Variants in DDX19B observed in about 807,000 individuals in gnomAD.
The protein encoded by DDX19B is DEAD-box helicase 19B.
In DDX19B, 27 loss-of-function variants were observed where a neutral mutation model predicts 58.1. That is an observed-to-expected ratio of 0.46 (90% confidence interval 0.34 to 0.64). The LOEUF is 0.64. Among genes scored for constraint, DDX19B ranks in the 30% least tolerant of loss-of-function variants. The pLI is 0.01. For synonymous variants in DDX19B, 187 were observed against 214.4 expected (o/e 0.87, Z 1.12); for missense variants, 399 against 596.5 (o/e 0.67, Z 3.45).
At chr16:70,325,789 T>G (rs1161905617) in intron 7 of DDX19B, 101 bp downstream of exon 7, 2 of 871,358 alleles carry the variant, frequency 2.3e-6, no homozygotes, top group African/African-American at 1.7e-5. Flanking sequence ...TAAACACATG[T>G]ATGTTCTCCA....
chr16:70,323,638 G>C (rs1962973951), intron 5 of DDX19B, among the ~76,000 whole-genome samples: 1 of 150,964 alleles, frequency 6.6e-6, no homozygotes, highest in Non-Finnish European at 1.5e-5. Context: ...TGGCCAGGCT[G>C]GTCTCAAATT....
chr16:70,294,386 C>T (rs1326697358), upstream of DDX19B, among the ~76,000 whole-genome samples: 2 of 152,072 alleles, frequency 1.3e-5, no homozygotes, highest in African/African-American at 2.4e-5. Flanking sequence ...CGGCCGAGAG[C>T]CTGCATTTTT....
At position 70,334,676 on chromosome 16, in the gene DDX19B, G is replaced by C. The variant is rs1007235307; in HGVS notation, c.*1094G>C. Reference sequence around the variant, plus strand: ...GGAATACAAACAGGTGCAACTGAGGGACTAGCTACACTACCACCATTTATC... The same window carrying C: ...GGAATACAAACAGGTGCAACTGAGGCACTAGCTACACTACCACCATTTATC... On this transcript the variant is annotated 3_prime_UTR_variant, in exon 12 of 12. Transcript: ENST00000288071. 1 of 152,168 alleles carries C rather than the reference G, an allele frequency of 6.6e-6. No homozygotes were observed. The highest frequency in any genetic ancestry group is 6.6e-5 in the Admixed American group (1 of 15,264). The allele number at this position is 152,168 out of a possible 1,614,324, so 9.4% of individuals were successfully genotyped here. A position where few individuals can be genotyped will look rare whatever the true frequency, so the allele number is the denominator to read the frequency against.
At chr16:70,306,343 G>C (rs1407321106) in intron 1 of DDX19B, among the ~76,000 whole-genome samples, 1 of 151,774 alleles carries the variant, frequency 6.6e-6, no homozygotes, top group African/African-American at 2.4e-5. Flanking sequence ...GTAGACATAG[G>C]GTTTCACCAT....
At chr16:70,319,240 A>G (rs569152979) in intron 5 of DDX19B, among the ~76,000 whole-genome samples, 2 of 152,210 alleles carry the variant, frequency 1.3e-5, no homozygotes, top group Non-Finnish European at 2.9e-5. Context: ...ATTGATATAT[A>G]AAAGCTATTG....
intron 5 of DDX19B, among the ~76,000 whole-genome samples, chr16:70,323,615 G>C (rs897701988): frequency 1.8e-4 from 28 of 151,536 alleles, no homozygotes; most frequent in African/African-American, 6.3e-4. Context: ...GTAGAGTCAG[G>C]GTTTTACCAT....
chr16:70,302,355 A>G (rs1408811036), intron 1 of DDX19B, among the ~76,000 whole-genome samples: 1 of 152,144 alleles, frequency 6.6e-6, no homozygotes, highest in Non-Finnish European at 1.5e-5. Flanking sequence ...CAGGCAACAC[A>G]TAAACCCTCT....
chr16:70,294,728 T>G, upstream of DDX19B: 1 of 793,908 alleles, frequency 1.3e-6, no homozygotes, highest in Non-Finnish European at 1.9e-6. Context: ...GCCCGAGCGC[T>G]GTACCGTCCC....
intron 5 of DDX19B, among the ~76,000 whole-genome samples, chr16:70,323,858 C>G (rs1010924370): frequency 2.0e-5 from 3 of 152,008 alleles, no homozygotes; most frequent in African/African-American, 7.2e-5. Context: ...ACTTTTAAAT[C>G]AAGTGGTTAA....
intron 9 of DDX19B, among the ~76,000 whole-genome samples, chr16:70,331,351 CAT>C (rs1348992373): frequency 6.6e-6 from 1 of 152,122 alleles, no homozygotes; most frequent in Non-Finnish European, 1.5e-5. Flanking sequence ...CTGGCAAGAA[CAT>C]AGACTATTTA....
chr16:70,325,662 T>C lies in DDX19B; in HGVS notation c.581T>C (p.Leu194Pro). The change falls in exon 7 of 12, where the codon CTA becomes CCA. Residue 194 changes from leucine (L) to proline (P), a missense_variant. Transcript: ENST00000288071. ...GGCAAATTTTACCCTGAACTGAAGC[T>C]AGCTTATGCTGTTCGAGGCAATAAA... ...QMGKFYPELK[L>P]AYAVRGNKLE... The C allele has an allele frequency of 6.2e-7, 1 of 1,613,784 alleles. No individual in the cohort carries two copies. Among genetic ancestry groups the C allele is most frequent in the Non-Finnish European group, 8.5e-7 (1 of 1,179,764 alleles).
intron 4 of DDX19B, among the ~76,000 whole-genome samples, chr16:70,316,700 A>C (rs984751504): frequency 6.6e-6 from 1 of 152,166 alleles, no homozygotes; most frequent in Non-Finnish European, 1.5e-5. Context: ...ATTTAGTAAA[A>C]TTTCCAGATG....
At chr16:70,332,399 T>G (rs1172808035) in intron 10 of DDX19B, among the ~76,000 whole-genome samples, 1 of 152,098 alleles carries the variant, frequency 6.6e-6, no homozygotes, top group African/African-American at 2.4e-5. Flanking sequence ...CTCTCAGGTT[T>G]AAGTGATTCT....
chr16:70,292,169 CT>C (rs1567617410), upstream of DDX19B, among the ~76,000 whole-genome samples: 2 of 151,168 alleles, frequency 1.3e-5, no homozygotes, highest in South Asian at 4.2e-4. Flanking sequence ...TTTTTTTTTC[CT>C]TTTTTTGAGG....
chr16:70,290,984 G>C (rs1417127092), upstream of DDX19B, among the ~76,000 whole-genome samples: 1 of 152,096 alleles, frequency 6.6e-6, no homozygotes, highest in African/African-American at 2.4e-5. Context: ...TCAAGTTACA[G>C]ACAATACAGA....
At chr16:70,320,404 C>T (rs1457662057) in intron 5 of DDX19B, among the ~76,000 whole-genome samples, 1 of 147,410 alleles carries the variant, frequency 6.8e-6, no homozygotes, top group Non-Finnish European at 1.5e-5. Flanking sequence ...CAGGGTCTCA[C>T]TCTGTTATCC....
chr16:70,310,938 G>A (rs1962055180), intron 1 of DDX19B, among the ~76,000 whole-genome samples: 2 of 151,836 alleles, frequency 1.3e-5, no homozygotes, highest in Non-Finnish European at 2.9e-5. Context: ...GGCTGAGGCA[G>A]GAGAATGGCA....
chr16:70,301,696 C>T (rs60628810), intron 1 of DDX19B, among the ~76,000 whole-genome samples: 8,942 of 136,560 alleles, frequency 0.065, 1,027 homozygotes, highest in African/African-American at 0.23. Context: ...CTCTCTCTCT[C>T]TTTTTTTTTT....
upstream of DDX19B, chr16:70,289,969 C>G (rs1473119544): frequency 3.1e-6 from 1 of 323,630 alleles, no homozygotes; most frequent in Non-Finnish European, 6.2e-6. Flanking sequence ...CCGGGGGAGA[C>G]CTTGAATTTG....
Sources: gnomAD v4.1 joint callset for allele counts (sites outside exome capture counted in the v4.1 genomes callset) on GRCh38, gnomAD v4.1.1 for gene constraint, MANE v1.5 for transcripts, NCBI Gene and HGNC (gene_info 2026-07-23, HGNC 2026-07-21) for gene names.